DISP1: variants seen among roughly 807,000 people sequenced by gnomAD.
DISP1 encodes protein dispatched homolog 1.
In DISP1, 30 loss-of-function variants were observed where a neutral mutation model predicts 37.3. The ratio of observed to expected loss-of-function variants is 0.80; its 90% CI spans 0.60 to 1.09. The LOEUF (loss-of-function observed/expected upper bound fraction) is 1.09, where lower values mean the gene tolerates loss of function less well. Among genes scored for constraint, DISP1 ranks in the 50% least tolerant of loss-of-function variants. DISP1 has a pLI of 0.00. For missense variants in DISP1, 1,598 were observed against 1,879.5 expected, an observed-to-expected ratio of 0.85 and a Z score of 2.77; for synonymous variants, 634 against 690.2, an observed-to-expected ratio of 0.92 and a Z score of 1.28.
chr1:222,992,083 A>G lies in DISP1; in HGVS notation c.862A>G (p.Lys288Glu). 1 of 1,613,934 alleles carries G rather than the reference A, an allele frequency of 6.2e-7. No homozygotes were observed. Among genetic ancestry groups the G allele is most frequent in the South Asian group, 1.1e-5 (1 of 91,082 alleles). The change falls in exon 7 of 9, where the codon AAG becomes GAG. Residue 288 changes from lysine (K) to glutamate (E), a missense_variant. By Grantham distance (56) the Lys-to-Glu change is moderately conservative. Transcript: ENST00000675850. ...AAGAGAAGTTGACTGGAACTTCCAC[A>G]AGGACAGCTTTTTCTGCGACGTTCC... ...EKREVDWNFH[K>E]DSFFCDVPSD...
Position 222,873,027 on chromosome 1 carries a change from A to G in DISP1, c.-158-55403A>G, listed in dbSNP as rs533431725. 5.9e-5 allele frequency among the ~76,000 whole-genome samples: 9 copies of G among 152,166 alleles called. No individual in the cohort carries two copies. In the East Asian group the frequency reaches 1.4e-3, roughly 23 times the overall value. ...TCTTTATTTCTGCCTTCATTTCGTTATGTACCCAGTAGTCATTCAGGAGCA... is the reference window on the plus strand; with the variant it reads ...TCTTTATTTCTGCCTTCATTTCGTTGTGTACCCAGTAGTCATTCAGGAGCA... On this transcript the variant is annotated intron_variant, in intron 1 of 8. Transcript: ENST00000675850.
intron 1 of DISP1, among the ~76,000 whole-genome samples, chr1:222,883,025 G>A (rs1670365938): frequency 6.6e-6 from 1 of 152,066 alleles, no homozygotes. Flanking sequence ...GATAGTACTA[G>A]TCATAAAAGA....
At chr1:222,818,527 G>A (rs182344441) in intron 1 of DISP1, among the ~76,000 whole-genome samples, 1 of 152,284 alleles carries the variant, frequency 6.6e-6, no homozygotes, top group East Asian at 1.9e-4. Flanking sequence ...ATATATATGT[G>A]TATTTTTAAA....
intron 2 of DISP1, among the ~76,000 whole-genome samples, chr1:222,941,487 T>C (rs1311411882): frequency 6.6e-6 from 1 of 152,226 alleles, no homozygotes; most frequent in Non-Finnish European, 1.5e-5. Context: ...AAGCAATTTA[T>C]TAAGAAATTC....
intron 1 of DISP1, among the ~76,000 whole-genome samples, chr1:222,847,871 A>C (rs1668006663): frequency 6.6e-6 from 1 of 152,164 alleles, no homozygotes; most frequent in South Asian, 2.1e-4. Flanking sequence ...ACTTGTGACT[A>C]GTCAGTTTTG....
chr1:222,995,619 G>T (rs750907121), intron 8 of DISP1, among the ~76,000 whole-genome samples: 1 of 152,136 alleles, frequency 6.6e-6, no homozygotes, highest in Non-Finnish European at 1.5e-5. Context: ...AAACATGTCC[G>T]CATCAGAAAA....
At chr1:222,866,663 C>T (rs1669210140) in intron 1 of DISP1, among the ~76,000 whole-genome samples, 1 of 151,984 alleles carries the variant, frequency 6.6e-6, no homozygotes, top group Non-Finnish European at 1.5e-5. Context: ...TTTTATATTT[C>T]CTTCTTCTTT....
At chr1:222,904,444 CATG>C (rs1160696166) in intron 1 of DISP1, among the ~76,000 whole-genome samples, 6 of 151,918 alleles carry the variant, frequency 3.9e-5, no homozygotes, top group African/African-American at 1.5e-4. Flanking sequence ...AATTAGTATT[CATG>C]ATGTTAAAAA....
At chr1:222,980,439 G>GTGTA (rs1401590129) in intron 3 of DISP1, among the ~76,000 whole-genome samples, 4 of 151,182 alleles carry the variant, frequency 2.6e-5, no homozygotes, top group African/African-American at 2.4e-5. Flanking sequence ...GTGTGTGTGT[G>GTGTA]TATAAGAGAG....
At chr1:222,834,548 A>C (rs1031162522) in intron 1 of DISP1, among the ~76,000 whole-genome samples, 3 of 152,192 alleles carry the variant, frequency 2.0e-5, no homozygotes, top group African/African-American at 7.2e-5. Flanking sequence ...TCTTACTATT[A>C]AGACATTCTG....
intron 8 of DISP1, among the ~76,000 whole-genome samples, chr1:222,999,575 C>T (rs558651973): frequency 2.0e-5 from 3 of 152,256 alleles, no homozygotes; most frequent in South Asian, 4.1e-4. Context: ...CCATACTTCT[C>T]GCTTTGAATT....
intron 3 of DISP1, among the ~76,000 whole-genome samples, chr1:222,950,077 G>A (rs1440826669): frequency 6.6e-6 from 1 of 152,214 alleles, no homozygotes; most frequent in East Asian, 1.9e-4. Flanking sequence ...TTCTTTTGCA[G>A]TAGAAACAAT....
At chr1:222,982,623 G>C (rs188291610) in intron 3 of DISP1, among the ~76,000 whole-genome samples, 1 of 152,190 alleles carries the variant, frequency 6.6e-6, no homozygotes, top group Admixed American at 6.5e-5. Context: ...GAAGCAGCTG[G>C]TATCTTGAAG....
intron 1 of DISP1, among the ~76,000 whole-genome samples, chr1:222,851,395 A>G (rs1275398725): frequency 6.6e-6 from 1 of 152,186 alleles, no homozygotes; most frequent in African/African-American, 2.4e-5. Flanking sequence ...GAGAGGTTCC[A>G]TAGTTCTTTA....
At chr1:222,819,481 ACT>A (rs1178910811) in intron 1 of DISP1, among the ~76,000 whole-genome samples, 2 of 144,846 alleles carry the variant, frequency 1.4e-5, no homozygotes, top group African/African-American at 5.1e-5. Flanking sequence ...TTTAAAAGTT[ACT>A]CTTTTTTTGT....
intron 1 of DISP1, among the ~76,000 whole-genome samples, chr1:222,909,280 T>A (rs1335705864): frequency 6.6e-6 from 1 of 152,226 alleles, no homozygotes; most frequent in African/African-American, 2.4e-5. Flanking sequence ...TTATGATTTA[T>A]ACCTATCAGC....
At position 223,004,579 on chromosome 1, in the gene DISP1, G is replaced by A. The variant is rs765161029; in HGVS notation, c.3182G>A (p.Arg1061His). The change falls in exon 9 of 9, where the codon CGC becomes CAC. Residue 1061 changes from arginine (R) to histidine (H), a missense_variant. Transcript: ENST00000675850. The surrounding 1 kb of genome is among the most constrained non-coding windows in gnomAD (Gnocchi z 4.9). ...GCCGTCCATTATGGGGTTGCCTACC[G>A]CTTGGCTCCAGATCCCGACCGAGAA... Reference protein sequence around the residue: ...DFAVHYGVAYRLAPDPDREGK... With the variant: ...DFAVHYGVAYHLAPDPDREGK... 3.0e-5 allele frequency: 49 copies of A among 1,613,978 alleles called. No individual in the cohort carries two copies. The highest frequency in any genetic ancestry group is 1.6e-4 in the Middle Eastern group (1 of 6,084).
intron 1 of DISP1, chr1:222,837,106 T>TG (rs1484105752): frequency 4.8e-5 from 19 of 398,378 alleles, no homozygotes; most frequent in African/African-American, 3.9e-4. Flanking sequence ...TTTGGGCCGT[T>TG]GGGATGTGAA....
intron 3 of DISP1, among the ~76,000 whole-genome samples, chr1:222,970,141 T>C (rs1400872090): frequency 6.6e-6 from 1 of 152,222 alleles, no homozygotes; most frequent in East Asian, 1.9e-4. Flanking sequence ...CTCACTCGGT[T>C]GGTAAACTAG....
Sources: gnomAD v4.1 joint callset for allele counts (sites outside exome capture counted in the v4.1 genomes callset) on GRCh38, gnomAD v4.1.1 for gene constraint, Gnocchi (gnomAD v3.1) non-coding constraint, MANE v1.5 for transcripts, NCBI Gene and HGNC (gene_info 2026-07-23, HGNC 2026-07-21) for gene names.